The following SKAP2 variants were observed in gnomAD, a reference collection of about 807,000 sequenced individuals.
SKAP2 encodes the protein src kinase associated phosphoprotein 2.
Under a neutral mutation model 54.9 loss-of-function variants are expected in SKAP2, and 28 were observed. The observed-to-expected ratio is 0.51, with a 90% CI of 0.38 to 0.70. The LOEUF (loss-of-function observed/expected upper bound fraction) is 0.70. Among genes scored for constraint, SKAP2 ranks in the 30% least tolerant of loss-of-function variants. The pLI is 0.00. For synonymous variants in SKAP2, 137 were observed against 134.3 expected (o/e 1.02, Z -0.14); for missense variants, 356 against 424.1 (o/e 0.84, Z 1.41).
intron 11 of SKAP2, among the ~76,000 whole-genome samples, chr7:26,680,310 T>A (rs1198334848): frequency 6.6e-6 from 1 of 152,190 alleles, no homozygotes; most frequent in Non-Finnish European, 1.5e-5. Context: ...ATCTGGATCC[T>A]GCTATTAAAA....
intron 9 of SKAP2, among the ~76,000 whole-genome samples, chr7:26,708,294 T>C (rs1787213031): frequency 6.6e-6 from 1 of 152,202 alleles, no homozygotes; most frequent in South Asian, 2.1e-4. Flanking sequence ...CTTTGGACCA[T>C]CTGGTTTTTA....
At chr7:26,720,493 A>C (rs1022655769) in intron 9 of SKAP2, among the ~76,000 whole-genome samples, 1 of 151,620 alleles carries the variant, frequency 6.6e-6, no homozygotes, top group African/African-American at 2.4e-5. Context: ...GAATGATTTC[A>C]TTTTTTTTTA....
chr7:26,679,142 A>C (rs1453052355), intron 11 of SKAP2, among the ~76,000 whole-genome samples: 3 of 152,102 alleles, frequency 2.0e-5, no homozygotes, highest in Admixed American at 6.5e-5. Flanking sequence ...ACCTCTGCTC[A>C]CCTTGCCTCT....
intron 4 of SKAP2, among the ~76,000 whole-genome samples, chr7:26,809,894 T>A (rs1178212053): frequency 6.6e-6 from 1 of 152,154 alleles, no homozygotes; most frequent in Non-Finnish European, 1.5e-5. Context: ...AAATGTAGTA[T>A]ATGTATAAAA....
intron 4 of SKAP2, among the ~76,000 whole-genome samples, chr7:26,808,229 G>T (rs1467918361): frequency 2.0e-5 from 3 of 152,116 alleles, no homozygotes; most frequent in Non-Finnish European, 2.9e-5. Flanking sequence ...AAATGTCCAT[G>T]AACAGATGAA....
At chr7:26,819,799 T>C (rs1037647904) in intron 4 of SKAP2, among the ~76,000 whole-genome samples, 1 of 152,126 alleles carries the variant, frequency 6.6e-6, no homozygotes, top group East Asian at 1.9e-4. Context: ...ATAATCACTA[T>C]CTATATTATA....
chr7:26,697,812 A>G (rs151335822), intron 9 of SKAP2, among the ~76,000 whole-genome samples: 381 of 152,290 alleles, frequency 2.5e-3, no homozygotes, highest in Non-Finnish European at 3.5e-3. Flanking sequence ...ACCTTTATTC[A>G]GCTACTGGTT....
At chr7:26,722,523 C>T (rs1460555021) in intron 9 of SKAP2, among the ~76,000 whole-genome samples, 2 of 151,218 alleles carry the variant, frequency 1.3e-5, no homozygotes, top group Non-Finnish European at 2.9e-5. Flanking sequence ...TCCTGAATAG[C>T]TTGGATTACA....
intron 6 of SKAP2, among the ~76,000 whole-genome samples, chr7:26,727,833 A>G (rs1475009638): frequency 6.6e-6 from 1 of 152,160 alleles, no homozygotes; most frequent in African/African-American, 2.4e-5. Context: ...CACCATTTTG[A>G]TAGAAAAACT....
At chr7:26,823,904 G>A (rs1562624957) in intron 4 of SKAP2, among the ~76,000 whole-genome samples, 1 of 152,114 alleles carries the variant, frequency 6.6e-6, no homozygotes, top group Non-Finnish European at 1.5e-5. Flanking sequence ...TCTTGTGATG[G>A]GATCTACTCC....
chr7:26,725,694 A>G, intron 8 of SKAP2, 129 bp from the exon 9 acceptor site: 1 of 1,006,674 alleles, frequency 9.9e-7, no homozygotes, highest in Non-Finnish European at 1.4e-6. Flanking sequence ...CTTAACTAAA[A>G]ACATGTTTAA....
chr7:26,706,664 C>A (rs1787163393), intron 9 of SKAP2, among the ~76,000 whole-genome samples: 1 of 152,140 alleles, frequency 6.6e-6, no homozygotes, highest in Non-Finnish European at 1.5e-5. Context: ...ATGTTTATGT[C>A]ATGTAAGTTC....
chr7:26,850,788 T>C (rs572442826), intron 3 of SKAP2, among the ~76,000 whole-genome samples: 5 of 152,012 alleles, frequency 3.3e-5, no homozygotes, highest in Admixed American at 1.3e-4. Flanking sequence ...CAAGTAAAAT[T>C]AAGGAATTTA....
intron 9 of SKAP2, among the ~76,000 whole-genome samples, chr7:26,719,861 T>G (rs1237164061): frequency 6.6e-6 from 1 of 152,222 alleles, no homozygotes; most frequent in Non-Finnish European, 1.5e-5. Context: ...AGGTTATGAA[T>G]CTTTATTAAT....
chr7:26,811,056 C>G (rs1034701832), intron 4 of SKAP2, among the ~76,000 whole-genome samples: 1 of 152,036 alleles, frequency 6.6e-6, no homozygotes, highest in Non-Finnish European at 1.5e-5. Flanking sequence ...AGTAGTTTGA[C>G]CAGTCACAAA....
chr7:26,660,250 A>T, the SKAP2 span, among the ~76,000 whole-genome samples: 19 of 152,262 alleles, frequency 1.2e-4, no homozygotes, highest in African/African-American at 4.1e-4. Flanking sequence ...TGAAAATGAC[A>T]GATTTTCAGT....
chr7:26,807,041 C>T (rs532320), intron 4 of SKAP2, among the ~76,000 whole-genome samples: 79,331 of 151,920 alleles, frequency 0.52, 21,351 homozygotes, highest in East Asian at 0.86. Context: ...GCCCTGAAGA[C>T]GTGACTGAAT....
chr7:26,824,866 C>T (rs1784455514), intron 4 of SKAP2, among the ~76,000 whole-genome samples: 1 of 152,140 alleles, frequency 6.6e-6, no homozygotes, highest in Non-Finnish European at 1.5e-5. Flanking sequence ...TGGCCCCACA[C>T]AAAAATGACT....
intron 4 of SKAP2, among the ~76,000 whole-genome samples, chr7:26,807,412 A>G (rs1344356962): frequency 6.6e-6 from 1 of 152,140 alleles, no homozygotes; most frequent in Admixed American, 6.5e-5. Flanking sequence ...TGATAGTTTA[A>G]AAGTGTTTGG....
Sources: allele counts gnomAD v4.1 joint callset (sites outside exome capture counted in the v4.1 genomes callset), GRCh38; gene constraint gnomAD v4.1.1; transcripts MANE v1.5; gene names NCBI Gene and HGNC (gene_info 2026-07-23, HGNC 2026-07-21).